PLPPR5: variants seen among roughly 807,000 people sequenced by gnomAD.
PLPPR5 encodes the protein phospholipid phosphatase-related protein type 5.
PLPPR5 carries 16 observed loss-of-function variants against 33.9 expected under a neutral mutation model. The observed-to-expected ratio is 0.47, with a 90% CI of 0.32 to 0.72. PLPPR5 has a LOEUF of 0.72. PLPPR5 is among the 30% of genes least tolerant of loss of function. The pLI, the probability that PLPPR5 is intolerant of heterozygous loss-of-function variation, is 0.03. For missense variants in PLPPR5, 301 were observed against 406.7 expected (o/e 0.74, Z 2.23); for synonymous variants, 163 against 150.3 (o/e 1.08, Z -0.62).
At chr1:98,923,333 C>T (rs772298568) in intron 3 of PLPPR5, among the ~76,000 whole-genome samples, 67 of 152,068 alleles carry the variant, frequency 4.4e-4, no homozygotes, top group Admixed American at 2.2e-3. Flanking sequence ...ATGGTATAAA[C>T]GTCAATAAGT....
At chr1:98,910,433 C>T (rs539621355) in intron 5 of PLPPR5, among the ~76,000 whole-genome samples, 19 of 152,214 alleles carry the variant, frequency 1.2e-4, no homozygotes, top group Admixed American at 1.2e-3. Context: ...TATAATGAAA[C>T]CAATTTGACC....
intron 1 of PLPPR5, among the ~76,000 whole-genome samples, chr1:98,983,061 C>A (rs72732409): frequency 0.071 from 10,639 of 149,430 alleles, 508 homozygotes; most frequent in Non-Finnish European, 0.096. Flanking sequence ...GCAGTAAGTG[C>A]TTATTACTGC....
chr1:98,996,182 G>C (rs930734012), intron 1 of PLPPR5, among the ~76,000 whole-genome samples: 4 of 151,820 alleles, frequency 2.6e-5, no homozygotes, highest in African/African-American at 9.7e-5. Flanking sequence ...TTGGTTTTGT[G>C]GGGGTGAGGG....
chr1:99,001,283 C>A (rs975218281), intron 1 of PLPPR5, among the ~76,000 whole-genome samples: 4 of 151,812 alleles, frequency 2.6e-5, no homozygotes, highest in Admixed American at 2.0e-4. Context: ...TACAGGCGCC[C>A]GCCACCATGC....
chr1:98,959,847 GAGA>G (rs1324631539), intron 1 of PLPPR5, among the ~76,000 whole-genome samples: 1 of 152,210 alleles, frequency 6.6e-6, no homozygotes, highest in Non-Finnish European at 1.5e-5. Context: ...ACTGTGGGTA[GAGA>G]AGGTAGTTTT....
At chr1:98,966,802 G>C (rs981484644) in intron 1 of PLPPR5, among the ~76,000 whole-genome samples, 11 of 152,156 alleles carry the variant, frequency 7.2e-5, no homozygotes, top group African/African-American at 2.7e-4. Flanking sequence ...GGTGGGATGA[G>C]CTTATTAACT....
At chr1:99,001,740 G>A (rs1652859760) in intron 1 of PLPPR5, among the ~76,000 whole-genome samples, 1 of 139,198 alleles carries the variant, frequency 7.2e-6, no homozygotes, top group South Asian at 2.3e-4. Flanking sequence ...AAATGTAAAA[G>A]AGACTATTTG....
At chr1:98,895,739 A>G (rs1481225947) in intron 5 of PLPPR5, among the ~76,000 whole-genome samples, 4 of 151,982 alleles carry the variant, frequency 2.6e-5, no homozygotes, top group Admixed American at 1.3e-4. Context: ...TTAAGTTTTA[A>G]CTTCTGAGGT....
At chr1:98,958,432 G>A (rs1443790553) in intron 1 of PLPPR5, among the ~76,000 whole-genome samples, 1 of 151,628 alleles carries the variant, frequency 6.6e-6, no homozygotes, top group African/African-American at 2.4e-5. Flanking sequence ...AAGTAAGCCA[G>A]GGTTCAATGT....
At chr1:98,999,217 G>C (rs1340455952) in intron 1 of PLPPR5, among the ~76,000 whole-genome samples, 2 of 152,190 alleles carry the variant, frequency 1.3e-5, no homozygotes, top group Non-Finnish European at 2.9e-5. Flanking sequence ...AATCAACACA[G>C]CCTTGGAAAG....
chr1:98,963,909 C>T (rs922134403), intron 1 of PLPPR5, among the ~76,000 whole-genome samples: 1 of 152,188 alleles, frequency 6.6e-6, no homozygotes, highest in Non-Finnish European at 1.5e-5. Flanking sequence ...TTTCTAACTC[C>T]ATTGCAATTT....
chr1:98,959,662 T>C (rs1179101784), intron 1 of PLPPR5, among the ~76,000 whole-genome samples: 3 of 152,154 alleles, frequency 2.0e-5, no homozygotes, highest in Admixed American at 2.0e-4. Context: ...ATTTCCCCAG[T>C]TGTCTTCAAG....
intron 3 of PLPPR5, among the ~76,000 whole-genome samples, chr1:98,927,430 A>G (rs1354499474): frequency 3.9e-5 from 6 of 152,158 alleles, no homozygotes; most frequent in Admixed American, 3.9e-4. Context: ...AACCACTGCT[A>G]ACGTCCTTGT....
At chr1:98,992,733 A>G (rs900310898) in intron 1 of PLPPR5, among the ~76,000 whole-genome samples, 1 of 152,134 alleles carries the variant, frequency 6.6e-6, no homozygotes, top group Admixed American at 6.6e-5. Context: ...ATTCAGTAAA[A>G]TCTTTTGGGA....
intron 3 of PLPPR5, among the ~76,000 whole-genome samples, chr1:98,927,257 G>T (rs551827812): frequency 6.6e-6 from 1 of 152,282 alleles, no homozygotes; most frequent in Admixed American, 6.5e-5. Flanking sequence ...TAAATGCTTA[G>T]TTGTTCTCAG....
intron 4 of PLPPR5, among the ~76,000 whole-genome samples, chr1:98,921,565 C>T (rs570316893): frequency 6.6e-6 from 1 of 152,204 alleles, no homozygotes; most frequent in South Asian, 2.1e-4. Flanking sequence ...ATATTATAGG[C>T]AGTTTTTACC....
intron 3 of PLPPR5, among the ~76,000 whole-genome samples, chr1:98,942,889 G>A (rs1650426746): frequency 6.6e-6 from 1 of 152,140 alleles, no homozygotes; most frequent in South Asian, 2.1e-4. Context: ...TTCCTCTGCA[G>A]GTCAGGGCTG....
At chr1:98,992,101 A>G (rs1208434582) in intron 1 of PLPPR5, among the ~76,000 whole-genome samples, 1 of 152,202 alleles carries the variant, frequency 6.6e-6, no homozygotes, top group Non-Finnish European at 1.5e-5. Context: ...AGCATTAAGG[A>G]AAGAGTTATG....
rs756448637 is a variant in PLPPR5 at position 98,914,824 on chromosome 1, G to A, written c.895C>T (p.Arg299Ter). 20 of 1,612,854 alleles carry A rather than the reference G, an allele frequency of 1.2e-5. No homozygotes were observed. The highest frequency in any genetic ancestry group is 1.7e-5 in the Admixed American group (1 of 59,936). Residue 299 changes from arginine (R) to a stop codon, truncating the protein, a stop_gained, in exon 5 of 6, where the codon CGA (arginine) becomes TGA (stop). Coordinates refer to ENST00000263177, the MANE Select transcript of PLPPR5 (RefSeq NM_001037317.2). LOFTEE classifies it high-confidence loss of function. Reference protein sequence around the residue: ...LAQMPMISIPRVESPLEKVTS... With the variant: ...LAQMPMISIP Reference sequence around the variant, plus strand: ...ACCTTTTCCAAAGGACTTTCTACTCGAGGAATGCTGATCATTGGCATCTGT... The same window carrying A: ...ACCTTTTCCAAAGGACTTTCTACTCAAGGAATGCTGATCATTGGCATCTGT...
Sources: gnomAD v4.1 joint callset for allele counts (sites outside exome capture counted in the v4.1 genomes callset) on GRCh38, gnomAD v4.1.1 for gene constraint, MANE v1.5 for transcripts, NCBI Gene and HGNC (gene_info 2026-07-23, HGNC 2026-07-21) for gene names.